IL1RAPL1: variants seen among roughly 807,000 people sequenced by gnomAD.
IL1RAPL1 encodes the protein interleukin-1 receptor accessory protein-like 1.
Under a neutral mutation model 48.4 loss-of-function variants are expected in IL1RAPL1, and 3 were observed. The observed-to-expected ratio is 0.06, with a 90% CI of 0.03 to 0.16. The LOEUF (loss-of-function observed/expected upper bound fraction) is 0.16, where lower values mean the gene tolerates loss of function less well. IL1RAPL1 is among the 10% of genes least tolerant of loss of function. The pLI is 1.00. For missense variants in IL1RAPL1, 349 were observed against 530.6 expected, an observed-to-expected ratio of 0.66 and a Z score of 3.36; for synonymous variants, 185 against 187.7, an observed-to-expected ratio of 0.99 and a Z score of 0.12.
chrX:29,334,665 C>T (rs1932953401), intron 3 of IL1RAPL1, among the ~76,000 whole-genome samples: 1 of 112,544 alleles, frequency 8.9e-6, no homozygotes, highest in African/African-American at 3.2e-5. Flanking sequence ...AGGCGCTCCT[C>T]ACATCCCAGA....
At chrX:28,656,908 C>G (rs1322371733) in intron 1 of IL1RAPL1, among the ~76,000 whole-genome samples, 1 of 108,645 alleles carries the variant, frequency 9.2e-6, no homozygotes, top group Admixed American at 9.9e-5. Flanking sequence ...CGCCTGTAGT[C>G]CCAGCTACTC....
At chrX:29,881,509 C>T (rs1569192636) in intron 6 of IL1RAPL1, among the ~76,000 whole-genome samples, 1 of 110,837 alleles carries the variant, frequency 9.0e-6, no homozygotes, top group Non-Finnish European at 1.9e-5. Context: ...CCCCTCATGA[C>T]CCTTTACTAT....
At position 29,014,401 on chromosome X, in the gene IL1RAPL1, G is replaced by GGT. The variant is rs770181320; in HGVS notation, c.82+224986_82+224987dup. 3.5e-3 allele frequency among the ~76,000 whole-genome samples: 382 copies of GGT among 110,216 alleles called. 3 individuals are homozygous for GGT. Among genetic ancestry groups the GGT allele is most frequent in the African/African-American group, 0.012 (366 of 30,337 alleles). On this transcript the variant is annotated intron_variant, in intron 2 of 10. Transcript: ENST00000378993. ...TTTCTAACTTTTTGAAGTCCCCTAG[G>GGT]GTGTGTGTGTGCACACATGTATATT...
At chrX:29,746,553 T>C (rs1363036651) in intron 6 of IL1RAPL1, among the ~76,000 whole-genome samples, 2 of 112,028 alleles carry the variant, frequency 1.8e-5, no homozygotes, top group African/African-American at 6.5e-5. Context: ...GATAACATAT[T>C]GAATGACTCT....
At chrX:29,591,123 G>A (rs1342486047) in intron 5 of IL1RAPL1, among the ~76,000 whole-genome samples, 3 of 111,766 alleles carry the variant, frequency 2.7e-5, no homozygotes, top group African/African-American at 9.8e-5. Context: ...GGAGATGGAA[G>A]TGTTAGTACC....
chrX:29,426,900 G>T (rs763929336), intron 5 of IL1RAPL1, among the ~76,000 whole-genome samples: 16 of 109,533 alleles, frequency 1.5e-4, no homozygotes, highest in Non-Finnish European at 2.7e-4. Flanking sequence ...AATCTCTTTT[G>T]TGCCTCCCAT....
intron 2 of IL1RAPL1, among the ~76,000 whole-genome samples, chrX:29,117,542 G>A (rs1481612851): frequency 2.7e-5 from 3 of 112,124 alleles, no homozygotes; most frequent in African/African-American, 6.5e-5. Context: ...TAAATGTACA[G>A]CAAGTGTAGG....
At chrX:29,204,662 T>C (rs1308145628) in intron 2 of IL1RAPL1, among the ~76,000 whole-genome samples, 3 of 112,376 alleles carry the variant, frequency 2.7e-5, no homozygotes, top group Admixed American at 1.9e-4. Context: ...AGTAATTATA[T>C]TTTTCCTATA....
intron 1 of IL1RAPL1, among the ~76,000 whole-genome samples, chrX:28,783,087 T>C (rs143570058): frequency 3.4e-4 from 38 of 111,467 alleles, no homozygotes; most frequent in Non-Finnish European, 5.7e-5. Flanking sequence ...CAGATTCCTG[T>C]ACAACTTTTC....
At chrX:28,885,630 G>T (rs1328221903) in intron 2 of IL1RAPL1, among the ~76,000 whole-genome samples, 1 of 111,656 alleles carries the variant, frequency 9.0e-6, no homozygotes, top group Non-Finnish European at 1.9e-5. Context: ...TGCATAATCT[G>T]TTGGATTTAC....
chrX:29,597,836 G>A (rs780876523), intron 5 of IL1RAPL1, among the ~76,000 whole-genome samples: 7 of 112,140 alleles, frequency 6.2e-5, no homozygotes, highest in South Asian at 3.7e-4. Flanking sequence ...TAGTAGCCTT[G>A]AATAATCTTC....
At chrX:29,683,318 C>T (rs1293042120) in intron 6 of IL1RAPL1, among the ~76,000 whole-genome samples, 1 of 111,816 alleles carries the variant, frequency 8.9e-6, no homozygotes, top group Non-Finnish European at 1.9e-5. Context: ...TCTGGATGTT[C>T]CTTGTTCCCC....
At chrX:29,783,586 A>T (rs912184447) in intron 6 of IL1RAPL1, among the ~76,000 whole-genome samples, 3 of 111,986 alleles carry the variant, frequency 2.7e-5, no homozygotes, top group Non-Finnish European at 5.6e-5. Context: ...AATCAAAATC[A>T]TAATGTCTAG....
At chrX:28,808,037 T>A (rs2147274523) in intron 2 of IL1RAPL1, among the ~76,000 whole-genome samples, 1 of 110,994 alleles carries the variant, frequency 9.0e-6, no homozygotes, top group African/African-American at 3.3e-5. Flanking sequence ...GTCTTCCTCC[T>A]TCTTCTTTCT....
intron 6 of IL1RAPL1, among the ~76,000 whole-genome samples, chrX:29,858,608 C>A (rs1931520686): frequency 1.8e-5 from 2 of 110,922 alleles, no homozygotes; most frequent in South Asian, 7.6e-4. Flanking sequence ...CCACCTCCTA[C>A]CCGCACCATG....
At chrX:29,302,979 T>C (rs1932560554) in intron 3 of IL1RAPL1, among the ~76,000 whole-genome samples, 1 of 112,424 alleles carries the variant, frequency 8.9e-6, no homozygotes, top group South Asian at 3.7e-4. Context: ...CTCAGAGTTA[T>C]ACCCGAAGGG....
At chrX:29,108,621 G>A (rs892900838) in intron 2 of IL1RAPL1, among the ~76,000 whole-genome samples, 4 of 110,553 alleles carry the variant, frequency 3.6e-5, no homozygotes, top group Admixed American at 9.7e-5. Context: ...GGCTGGTCTC[G>A]AACTCCAGAC....
chrX:28,703,550 A>G (rs1935326986), intron 1 of IL1RAPL1, among the ~76,000 whole-genome samples: 1 of 111,315 alleles, frequency 9.0e-6, no homozygotes, highest in African/African-American at 3.3e-5. Flanking sequence ...TATTTTCTCA[A>G]GTCCCCAACC....
intron 2 of IL1RAPL1, among the ~76,000 whole-genome samples, chrX:28,860,894 A>G (rs1921926318): frequency 8.9e-6 from 1 of 111,890 alleles, no homozygotes; most frequent in South Asian, 3.7e-4. Context: ...AAATCTAGAT[A>G]TACTTTAAAT....
Sources: gnomAD v4.1 joint callset for allele counts (sites outside exome capture counted in the v4.1 genomes callset) on GRCh38, gnomAD v4.1.1 for gene constraint, MANE v1.5 for transcripts, NCBI Gene and HGNC (gene_info 2026-07-23, HGNC 2026-07-21) for gene names.